C9orf152: variants seen among roughly 807,000 people sequenced by gnomAD.
C9orf152 encodes the protein chromosome 9 open reading frame 152, also known as uncharacterized protein C9orf152.
Under a neutral mutation model 8.5 loss-of-function variants are expected in C9orf152, and 8 were observed. The ratio of observed to expected loss-of-function variants is 0.94; its 90% CI spans 0.55 to 1.70. C9orf152 has a LOEUF of 1.70. Among genes scored for constraint, C9orf152 ranks in the 40% most tolerant of loss-of-function variants. C9orf152 has a pLI of 0.00. For missense variants in C9orf152, 293 were observed against 286.2 expected (o/e 1.02, Z -0.17); for synonymous variants, 109 against 113.0 (o/e 0.96, Z 0.22).
At position 110,201,462 on chromosome 9, in the gene C9orf152, G is replaced by A; in HGVS notation, c.206C>T (p.Pro69Leu). 2 of 1,509,642 alleles carry A rather than the reference G, an allele frequency of 1.3e-6. No homozygotes were observed. Among genetic ancestry groups the A allele is most frequent in the South Asian group, 2.7e-5 (2 of 74,812 alleles). 93.5% of individuals were successfully genotyped at this position (1,509,642 alleles called of 1,614,324 possible). A position where few individuals can be genotyped will look rare whatever the true frequency, so the allele number is the denominator to read the frequency against. Residue 69 changes from proline to leucine, a missense_variant, in exon 2 of 2, where the codon CCT (proline) becomes CTT (leucine). Physicochemically the swap from Pro to Leu is moderately conservative, Grantham distance 98. Coordinates refer to ENST00000400613, the MANE Select transcript of C9orf152 (RefSeq NM_001012993.3). ...ATTGACCATCGATTCTGCAGGAGCA[G>A]GTGTGTTTCCTCCTGAAAAGAGAAT... Reference protein sequence around the residue: ...LLVLPKGGNTPAPAESMVNAV... With the variant: ...LLVLPKGGNTLAPAESMVNAV...
chr9:110,207,124 C>A (rs1426310769), intron 1 of C9orf152, among the ~76,000 whole-genome samples: 1 of 152,234 alleles, frequency 6.6e-6, no homozygotes, highest in Admixed American at 6.5e-5. Context: ...GGGGCCAAGC[C>A]TGGCTCACCA....
Position 110,207,769 on chromosome 9 carries a change from A to G in C9orf152, c.-190T>C. ...ATGAAGGGGAAGAGGAGGTAGGGAT[A>G]GGGAGAAATGTGGGGGAGGAGAAAG... On this transcript the variant is annotated 5_prime_UTR_variant, in exon 1 of 2. Coordinates refer to ENST00000400613, the MANE Select transcript of C9orf152 (RefSeq NM_001012993.3). The G allele has an allele frequency of 1.9e-6, 1 of 514,052 alleles. No individual in the cohort carries two copies. Among genetic ancestry groups the G allele is most frequent in the Non-Finnish European group, 3.4e-6 (1 of 296,590 alleles). 31.8% of individuals were successfully genotyped at this position (514,052 alleles called of 1,614,324 possible).
At chr9:110,204,435 G>A (rs1837253712) in intron 1 of C9orf152, among the ~76,000 whole-genome samples, 1 of 152,110 alleles carries the variant, frequency 6.6e-6, no homozygotes, top group South Asian at 2.1e-4. Context: ...GCAACCCAAT[G>A]TCTTGAGACA....
At chr9:110,203,270 G>T (rs547792164) in intron 1 of C9orf152, among the ~76,000 whole-genome samples, 2 of 152,014 alleles carry the variant, frequency 1.3e-5, no homozygotes, top group Admixed American at 6.6e-5. Flanking sequence ...TGATCCGCCC[G>T]CCTCGGCCTC....
chr9:110,201,664 C>T (rs537847411), intron 1 of C9orf152, among the ~76,000 whole-genome samples, 190 bp from the exon 2 acceptor site: 2 of 152,198 alleles, frequency 1.3e-5, no homozygotes, highest in Admixed American at 6.5e-5. Context: ...TTACACCTCA[C>T]CCATATATAC....
intron 1 of C9orf152, among the ~76,000 whole-genome samples, chr9:110,204,936 T>G (rs1258209872): frequency 6.6e-6 from 1 of 152,252 alleles, no homozygotes; most frequent in Non-Finnish European, 1.5e-5. Context: ...TTGTAGTGTA[T>G]GGCAGAATTT....
At chr9:110,202,428 G>A (rs1587904972) in intron 1 of C9orf152, among the ~76,000 whole-genome samples, 2 of 152,178 alleles carry the variant, frequency 1.3e-5, no homozygotes, top group South Asian at 2.1e-4. Context: ...AGGCAGAAGA[G>A]GGAGGAGTTG....
chr9:110,205,485 A>G (rs547128762), intron 1 of C9orf152, among the ~76,000 whole-genome samples: 1 of 152,218 alleles, frequency 6.6e-6, no homozygotes, highest in Non-Finnish European at 1.5e-5. Flanking sequence ...ACTTAGATAC[A>G]TGTGACATAC....
In C9orf152 at chr9:110,207,611, G is replaced by T. The variant is rs745842829; in HGVS notation, c.-32C>A. 9.7e-6 allele frequency: 15 copies of T among 1,539,406 alleles called. No homozygotes were observed. The highest frequency in any genetic ancestry group is 2.1e-5 in the Admixed American group (1 of 47,468). On this transcript the variant is annotated 5_prime_UTR_variant, in exon 1 of 2. Transcript: ENST00000400613. Reference sequence around the variant, plus strand: ...CCGGGAGAAAAGCAAACACAGCTGGGTGGGGCAGGACCTGGGGAGGGGAGA... The same window carrying T: ...CCGGGAGAAAAGCAAACACAGCTGGTTGGGGCAGGACCTGGGGAGGGGAGA...
At chr9:110,201,736 G>T (rs1263842180) in intron 1 of C9orf152, among the ~76,000 whole-genome samples, 2 of 152,114 alleles carry the variant, frequency 1.3e-5, no homozygotes, top group East Asian at 3.8e-4. Context: ...ATATGTGCCA[G>T]GCATTATTTA....
chr9:110,200,188 AAGGGAGGG>A lies in C9orf152; in HGVS notation c.*752_*759del, dbSNP rs371025745. ...GAAAGAAAGAAGGAAAGAAGGGAGGAAGGGAGGGAGGGAGGGAGAGACAGAAGGAAGGA... is the reference window on the plus strand; with the variant it reads ...GAAAGAAAGAAGGAAAGAAGGGAGGAAGGGAGGGAGAGACAGAAGGAAGGA... On this transcript the variant is annotated 3_prime_UTR_variant, in exon 2 of 2. Transcript: ENST00000400613. 2.1e-3 allele frequency: 266 copies of A among 126,118 alleles called. 2 individuals are homozygous for A. The highest frequency in any genetic ancestry group is 2.3e-3 in the Non-Finnish European group (135 of 58,398). The allele number at this position is 126,118 out of a possible 1,614,324, so 7.8% of individuals were successfully genotyped here. A position where few individuals can be genotyped will look rare whatever the true frequency, so the allele number is the denominator to read the frequency against.
At position 110,201,161 on chromosome 9, in the gene C9orf152, T is replaced by C; in HGVS notation, c.507A>G (p.Gly169=). The stretch of plus-strand genomic sequence containing the variant: ...GCTGGGCAGCCTCTGGGATTCCGGT[T>C]CCTTGCTGAGTCATCTGATTGGTTT... ...LFETNQMTQQ[G]TGIPEAAQLP... is the part of the protein sequence containing the mutation. The change falls in exon 2 of 2, where the codon GGA becomes GGG. Residue 169 remains glycine, a synonymous_variant. Coordinates refer to ENST00000400613, the MANE Select transcript of C9orf152 (RefSeq NM_001012993.3). 6.2e-7 allele frequency: 1 copy of C among 1,614,196 alleles called. No homozygotes were observed. Among genetic ancestry groups the C allele is most frequent in the Non-Finnish European group, 8.5e-7 (1 of 1,180,044 alleles).
Position 110,207,697 on chromosome 9 carries a change from G to T in C9orf152, c.-118C>A. On this transcript the variant is annotated 5_prime_UTR_variant, in exon 1 of 2. Transcript: ENST00000400613. ...ACGGGCAAAAGGAGGGTGGAAAGAG[G>T]AGTGGGACTGAGGAAGGAGATAGAA... 1 of 668,920 alleles carries T rather than the reference G, an allele frequency of 1.5e-6. No homozygotes were observed. 41.4% of individuals were successfully genotyped at this position (668,920 alleles called of 1,614,324 possible).
At position 110,201,319 on chromosome 9, in the gene C9orf152, A is replaced by C. The variant is rs370004312; in HGVS notation, c.349T>G (p.Trp117Gly). The C allele has an allele frequency of 1.9e-6, 3 of 1,613,264 alleles. No individual in the cohort carries two copies. The highest frequency in any genetic ancestry group is 2.5e-6 in the Non-Finnish European group (3 of 1,179,594). The change falls in exon 2 of 2, where the codon TGG (tryptophan) becomes GGG (glycine). Residue 117 changes from tryptophan to glycine, a missense_variant. Coordinates refer to ENST00000400613, the MANE Select transcript of C9orf152 (RefSeq NM_001012993.3). ...QGCLQAPKSP[W>G]HTHLEMHCLV... ...CAATGCATCTCCAGGTGCGTGTGCCATGGAGACTTGGGGGCCTGAAGGCAG... is the reference window on the plus strand; with the variant it reads ...CAATGCATCTCCAGGTGCGTGTGCCCTGGAGACTTGGGGGCCTGAAGGCAG...
chr9:110,201,556 C>A, intron 1 of C9orf152, 82 bp from the exon 2 acceptor site: 1 of 1,199,328 alleles, frequency 8.3e-7, no homozygotes, highest in Non-Finnish European at 1.1e-6. Flanking sequence ...TGCTTTCAAG[C>A]TGAAGGAAGG....
At chr9:110,205,585 T>A (rs578234586) in intron 1 of C9orf152, among the ~76,000 whole-genome samples, 1 of 152,340 alleles carries the variant, frequency 6.6e-6, no homozygotes, top group South Asian at 2.1e-4. Flanking sequence ...CCCTATGATT[T>A]GGGTACTACA....
rs942182539 is a variant in C9orf152, at chr9:110,205,891, T to TA, written c.193+1495dup. Among the ~76,000 whole-genome samples the TA allele has an allele frequency of 8.2e-4, 125 of 151,698 alleles. 1 individual carries two copies. The highest frequency in any genetic ancestry group is 2.7e-3 in the African/African-American group (111 of 41,366). ...CAACATGGTGAAACCCCATCTCTAC[T>TA]AAAAAAAATACAAAAATTAACCGAG... On this transcript the variant is annotated intron_variant, in intron 1 of 1. Transcript: ENST00000400613.
At chr9:110,204,299 G>A (rs529523258) in intron 1 of C9orf152, among the ~76,000 whole-genome samples, 10 of 152,286 alleles carry the variant, frequency 6.6e-5, no homozygotes, top group African/African-American at 1.7e-4. Flanking sequence ...GGGAAGGCAC[G>A]CTGCTACTTG....
intron 1 of C9orf152, among the ~76,000 whole-genome samples, chr9:110,206,983 C>T (rs970906194): frequency 4.6e-5 from 7 of 152,206 alleles, no homozygotes; most frequent in Non-Finnish European, 1.0e-4. Flanking sequence ...TCCTCTGGCC[C>T]AGACAGTTCC....
Sources: allele counts gnomAD v4.1 joint callset (sites outside exome capture counted in the v4.1 genomes callset), GRCh38; gene constraint gnomAD v4.1.1; transcripts MANE v1.5; gene names NCBI Gene and HGNC (gene_info 2026-07-23, HGNC 2026-07-21).